MDFIC2: variants seen among roughly 807,000 people sequenced by gnomAD.
MDFIC2 encodes myoD family inhibitor domain-containing protein 2.
chr3:70,300,717 C>T (rs1335606190), intron 2 of MDFIC2, among the ~76,000 whole-genome samples: 1 of 152,058 alleles, frequency 6.6e-6, no homozygotes. Flanking sequence ...GTACATTCTT[C>T]TGTCATAGAA....
intron 2 of MDFIC2, among the ~76,000 whole-genome samples, chr3:70,298,696 C>T (rs78623173): frequency 0.023 from 3,424 of 152,084 alleles, 82 homozygotes; most frequent in South Asian, 0.079. Flanking sequence ...TTGACTTGCC[C>T]AAACTTTTCC....
At chr3:70,231,003 G>C (rs1036321695) in intron 2 of MDFIC2, among the ~76,000 whole-genome samples, 12 of 152,108 alleles carry the variant, frequency 7.9e-5, no homozygotes, top group African/African-American at 2.9e-4. Flanking sequence ...GACCCTCCAG[G>C]GCCTAGCAGC....
At chr3:70,207,840 G>A (rs1701306556) in intron 2 of MDFIC2, among the ~76,000 whole-genome samples, 1 of 151,880 alleles carries the variant, frequency 6.6e-6, no homozygotes, top group Non-Finnish European at 1.5e-5. Flanking sequence ...CGATATCTGT[G>A]GAGTCCTGGA....
intron 2 of MDFIC2, among the ~76,000 whole-genome samples, chr3:70,207,367 T>C (rs966195712): frequency 1.1e-4 from 17 of 152,116 alleles, no homozygotes; most frequent in Non-Finnish European, 2.5e-4. Context: ...ATTCAGGTGA[T>C]AGCCTGTATG....
At chr3:70,289,622 G>A (rs891987642) in intron 2 of MDFIC2, among the ~76,000 whole-genome samples, 22 of 150,726 alleles carry the variant, frequency 1.5e-4, no homozygotes, top group Middle Eastern at 3.4e-3. Context: ...GCTAGATTGG[G>A]GAAATTCTCC....
intron 2 of MDFIC2, among the ~76,000 whole-genome samples, chr3:70,304,221 C>T (rs764482584): frequency 3.9e-5 from 6 of 152,092 alleles, no homozygotes; most frequent in East Asian, 3.9e-4. Context: ...GAGCATGACA[C>T]GTTCTTTCCT....
At chr3:70,287,507 G>A (rs1294221457) in intron 2 of MDFIC2, among the ~76,000 whole-genome samples, 3 of 151,898 alleles carry the variant, frequency 2.0e-5, no homozygotes, top group African/African-American at 7.2e-5. Flanking sequence ...AAGGATATTG[G>A]TCTAAAATTC....
intron 2 of MDFIC2, among the ~76,000 whole-genome samples, chr3:70,300,300 T>TAAA (rs918656904): frequency 1.2e-3 from 182 of 152,170 alleles, no homozygotes; most frequent in African/African-American, 4.2e-3. Flanking sequence ...TCTATTGATT[T>TAAA]ATAGATAAAC....
chr3:70,287,872 G>T (rs1017179541), intron 2 of MDFIC2, among the ~76,000 whole-genome samples: 2 of 151,942 alleles, frequency 1.3e-5, no homozygotes, highest in Non-Finnish European at 2.9e-5. Flanking sequence ...TTCTCTGATG[G>T]TAGTTTGTAT....
chr3:70,282,690 C>T lies in MDFIC2; in HGVS notation c.88+29196G>A, dbSNP rs544874831. 1.4e-3 allele frequency among the ~76,000 whole-genome samples: 217 copies of T among 152,276 alleles called. 2 individuals are homozygous for T. Among genetic ancestry groups the T allele is most frequent in the South Asian group, 1.5e-3 (7 of 4,822 alleles). The stretch of plus-strand genomic sequence containing the variant: ...CCAGGATGCTGCCAAATAAGAGAGG[C>T]CTTCCTCGACTACCTTGTCTATGCC... On this transcript the variant is annotated intron_variant, in intron 2 of 3. Coordinates refer to ENST00000567252, the MANE Select transcript of MDFIC2 (RefSeq NM_001364677.1).
At chr3:70,249,856 T>C (rs1224608866) in intron 2 of MDFIC2, among the ~76,000 whole-genome samples, 2 of 152,162 alleles carry the variant, frequency 1.3e-5, no homozygotes, top group African/African-American at 4.8e-5. Context: ...GATGCTGAAA[T>C]TCCTTTATTT....
At chr3:70,197,839 A>C (rs1329288895) in intron 3 of MDFIC2, among the ~76,000 whole-genome samples, 10 of 152,208 alleles carry the variant, frequency 6.6e-5, no homozygotes, top group Non-Finnish European at 1.5e-5. Context: ...ACGTCATCAT[A>C]TGCCTAAAAG....
At chr3:70,218,826 A>G (rs182645682) in intron 2 of MDFIC2, among the ~76,000 whole-genome samples, 3 of 152,290 alleles carry the variant, frequency 2.0e-5, no homozygotes, top group Admixed American at 2.0e-4. Context: ...CGAAAGACCT[A>G]CAGTTTGCTC....
intron 2 of MDFIC2, among the ~76,000 whole-genome samples, chr3:70,258,152 G>C (rs11708757): frequency 0.25 from 38,309 of 151,844 alleles, 4,841 homozygotes; most frequent in South Asian, 0.31. Flanking sequence ...ATGGATCATC[G>C]ATCTAAATGT....
Position 70,195,129 on chromosome 3 carries a change from G to T in MDFIC2, c.*1797C>A, listed in dbSNP as rs1011817235. On this transcript the variant is annotated 3_prime_UTR_variant, in exon 4 of 4. Transcript: ENST00000567252. ...TCACTGTGTGGTCTTGAATAAGTCA[G>T]TTCATGGGGCCTCTCTTTTCCCCTG... Among the ~76,000 whole-genome samples, 1 of 152,192 alleles carries T rather than the reference G, an allele frequency of 6.6e-6. No individual in the cohort carries two copies. Among genetic ancestry groups the T allele is most frequent in the Non-Finnish European group, 1.5e-5 (1 of 68,034 alleles).
chr3:70,235,772 C>T (rs1057037128), intron 2 of MDFIC2, among the ~76,000 whole-genome samples: 2 of 152,092 alleles, frequency 1.3e-5, no homozygotes, highest in Non-Finnish European at 2.9e-5. Flanking sequence ...ACAAATTATC[C>T]CTTGTCACTA....
intron 2 of MDFIC2, among the ~76,000 whole-genome samples, chr3:70,209,219 G>C (rs530954951): frequency 6.6e-6 from 1 of 152,186 alleles, no homozygotes; most frequent in African/African-American, 2.4e-5. Flanking sequence ...TTTTGGCATG[G>C]AGAGATTGTA....
intron 2 of MDFIC2, among the ~76,000 whole-genome samples, chr3:70,296,805 A>ACAGT (rs1340546028): frequency 6.6e-6 from 1 of 152,030 alleles, no homozygotes; most frequent in Non-Finnish European, 1.5e-5. Flanking sequence ...TCTACTCTTC[A>ACAGT]GCCCACACTG....
chr3:70,285,627 C>T (rs1257987400), intron 2 of MDFIC2, among the ~76,000 whole-genome samples: 38 of 150,708 alleles, frequency 2.5e-4, no homozygotes, highest in Admixed American at 1.1e-3. Flanking sequence ...CCTGAGGAAT[C>T]GCCACACTGA....
Sources: gnomAD v4.1 joint callset for allele counts (sites outside exome capture counted in the v4.1 genomes callset) on GRCh38, gnomAD v4.1.1 for gene constraint, MANE v1.5 for transcripts, NCBI Gene and HGNC (gene_info 2026-07-23, HGNC 2026-07-21) for gene names.